The following TAAR2 variants were observed in gnomAD, a reference collection of about 807,000 sequenced individuals.
The protein encoded by TAAR2 is trace amine-associated receptor 2.
Under a neutral mutation model 25.5 loss-of-function variants are expected in TAAR2, and 30 were observed. That is an observed-to-expected ratio of 1.18 (90% CI 0.88 to 1.60). TAAR2 has a LOEUF of 1.60. Ranked by LOEUF, TAAR2 falls within the 40% of genes most tolerant of loss-of-function variation. The pLI is 0.00. For synonymous variants in TAAR2, 150 were observed against 142.4 expected, an observed-to-expected ratio of 1.05 and a Z score of -0.38; for missense variants, 481 against 416.5, an observed-to-expected ratio of 1.15 and a Z score of -1.35.
At chr6:132,620,627 G>A (rs983375932) in intron 1 of TAAR2, among the ~76,000 whole-genome samples, 9 of 152,068 alleles carry the variant, frequency 5.9e-5, no homozygotes, top group Admixed American at 2.0e-4. Context: ...GGGCCAGAGC[G>A]GGGAGGAGGA....
In TAAR2 at chr6:132,617,986, G is replaced by A. The variant is rs1562194932; in HGVS notation, c.220C>T (p.Leu74Phe). The A allele has an allele frequency of 1.9e-6, 3 of 1,614,020 alleles. No homozygotes were observed. Among genetic ancestry groups the A allele is most frequent in the South Asian group, 1.1e-5 (1 of 91,080 alleles). ...ATGAGGAAGTTGGTTGGTGTGTGAA[G>A]CTGCTTGAAGTAGGAAATGGAAATT... ...MIISISYFKQ[L>F]HTPTNFLILS... is the part of the protein sequence containing the mutation. The change falls in exon 2 of 2, where the codon CTT (leucine) becomes TTT (phenylalanine). Residue 74 changes from leucine to phenylalanine, a missense_variant. Coordinates refer to ENST00000367931, the MANE Select transcript of TAAR2 (RefSeq NM_001033080.1).
chr6:132,624,232 C>A lies in TAAR2; in HGVS notation c.44G>T (p.Arg15Ile). The A allele has an allele frequency of 6.2e-7, 1 of 1,613,394 alleles. No individual in the cohort carries two copies. The highest frequency in any genetic ancestry group is 8.5e-7 in the Non-Finnish European group (1 of 1,179,646). ...SEQHELSHFK[R>I]TQTKKEKFNC... ...AGGGCCTACCTTTTTTGTCTGTGTT[C>A]TTTTGAAATGTGAAAGTTCATGTTG... Residue 15 changes from arginine (R) to isoleucine (I), a missense_variant, in exon 1 of 2, where the codon AGA becomes ATA. By Grantham distance (97) the Arg-to-Ile change is moderately conservative. Transcript: ENST00000367931.
intron 1 of TAAR2, among the ~76,000 whole-genome samples, chr6:132,621,472 G>T (rs1777374240): frequency 6.6e-6 from 1 of 151,974 alleles, no homozygotes; most frequent in Non-Finnish European, 1.5e-5. Context: ...GTGTCCACGT[G>T]TACTCTTGTT....
intron 1 of TAAR2, among the ~76,000 whole-genome samples, chr6:132,623,928 A>T (rs988387590): frequency 6.6e-6 from 1 of 151,944 alleles, no homozygotes; most frequent in Non-Finnish European, 1.5e-5. Context: ...CCACACATGG[A>T]TGGGACCTCT....
Position 132,618,030 on chromosome 6 carries a change from A to G in TAAR2, c.176T>C (p.Phe59Ser), listed in dbSNP as rs1168748898. 1 of 1,613,968 alleles carries G rather than the reference A, an allele frequency of 6.2e-7. No homozygotes were observed. The highest frequency in any genetic ancestry group is 1.3e-5 in the African/African-American group (1 of 74,936). Residue 59 changes from phenylalanine to serine, a missense_variant, in exon 2 of 2, where the codon TTT becomes TCT. Physicochemically the swap from Phe to Ser is radical, Grantham distance 155. Coordinates refer to ENST00000367931, the MANE Select transcript of TAAR2 (RefSeq NM_001033080.1). ...FMAGSIFITIFGNLAMIISIS... is the reference protein window; with the variant it reads ...FMAGSIFITISGNLAMIISIS... Reference sequence around the variant, plus strand: ...GGAAATTATCATGGCAAGATTGCCAAATATTGTGATGAATATGGATCCTGC... The same window carrying G: ...GGAAATTATCATGGCAAGATTGCCAGATATTGTGATGAATATGGATCCTGC...
intron 1 of TAAR2, 64 bp downstream of exon 1, chr6:132,624,152 T>A: frequency 6.8e-7 from 1 of 1,472,104 alleles, no homozygotes; most frequent in Non-Finnish European, 9.4e-7. Flanking sequence ...ATAATTCACA[T>A]GTTTATGCCA....
rs1221072820 is a variant in TAAR2, at chr6:132,618,003, A to T, written c.203T>A (p.Ile68Asn). The T allele has an allele frequency of 6.2e-7, 1 of 1,614,034 alleles. No homozygotes were observed. Among genetic ancestry groups the T allele is most frequent in the Non-Finnish European group, 8.5e-7 (1 of 1,179,960 alleles). ...IFGNLAMIIS[I>N]SYFKQLHTPT... ...TGTGTGAAGCTGCTTGAAGTAGGAA[A>T]TGGAAATTATCATGGCAAGATTGCC... The change falls in exon 2 of 2, where the codon ATT becomes AAT. Residue 68 changes from isoleucine to asparagine, a missense_variant. Transcript: ENST00000367931.
At chr6:132,622,847 T>C (rs1211553249) in intron 1 of TAAR2, among the ~76,000 whole-genome samples, 3 of 152,170 alleles carry the variant, frequency 2.0e-5, no homozygotes, top group African/African-American at 7.2e-5. Context: ...TCATTGTTTC[T>C]CATTTCCTTG....
In TAAR2 at chr6:132,617,887, T is replaced by C. The variant is rs777529961; in HGVS notation, c.319A>G (p.Asn107Asp). The change falls in exon 2 of 2, where the codon AAC becomes GAC. Residue 107 changes from asparagine to aspartate, a missense_variant. Coordinates refer to ENST00000367931, the MANE Select transcript of TAAR2 (RefSeq NM_001033080.1). ...MPYSMIRSVE[N>D]CWYFGLTFCK... ...AATGTAAGCCCAAAATACCAGCAGT[T>C]CTCCACCGATCTGATCATACTATAT... The C allele has an allele frequency of 6.2e-7, 1 of 1,613,998 alleles. No individual in the cohort carries two copies. The highest frequency in any genetic ancestry group is 8.5e-7 in the Non-Finnish European group (1 of 1,179,956).
chr6:132,617,670 A>T lies in TAAR2; in HGVS notation c.536T>A (p.Val179Asp). The change falls in exon 2 of 2, where the codon GTC becomes GAC. Residue 179 changes from valine (V) to aspartate (D), a missense_variant. Coordinates refer to ENST00000367931, the MANE Select transcript of TAAR2 (RefSeq NM_001033080.1). ...SVPGAFAFGVVFSEAYADGIE... is the reference protein window; with the variant it reads ...SVPGAFAFGVDFSEAYADGIE... ...TCCATCTGCATAGGCCTCTGAGAAG[A>T]CCACCCCGAAGGCAAATGCTCCAGG... 1.2e-6 allele frequency: 2 copies of T among 1,613,888 alleles called. No individual in the cohort carries two copies. Among genetic ancestry groups the T allele is most frequent in the Non-Finnish European group, 1.7e-6 (2 of 1,179,974 alleles).
intron 1 of TAAR2, among the ~76,000 whole-genome samples, chr6:132,619,215 T>C (rs1223151717): frequency 1.3e-5 from 2 of 152,206 alleles, no homozygotes; most frequent in Admixed American, 1.3e-4. Flanking sequence ...AGAGAACTTT[T>C]AGAAAGCAAG....
chr6:132,620,786 TAAA>T (rs1021043229), intron 1 of TAAR2, among the ~76,000 whole-genome samples: 1 of 133,052 alleles, frequency 7.5e-6, no homozygotes, highest in African/African-American at 3.1e-5. Context: ...AAATAAAAGT[TAAA>T]AAAACATAAA....
chr6:132,617,544 G>C lies in TAAR2; in HGVS notation c.662C>G (p.Pro221Arg), dbSNP rs767101175. The C allele has an allele frequency of 6.2e-7, 1 of 1,613,950 alleles. No individual in the cohort carries two copies. Among genetic ancestry groups the C allele is most frequent in the South Asian group, 1.1e-5 (1 of 91,072 alleles). Residue 221 changes from proline (P) to arginine (R), a missense_variant, in exon 2 of 2, where the codon CCT becomes CGT. By Grantham distance (103) the Pro-to-Arg change is moderately radical. Coordinates refer to ENST00000367931, the MANE Select transcript of TAAR2 (RefSeq NM_001033080.1). ...TTLFMAGFFT[P>R]GSMMVGIYGK... ...ATAAATCCCCACCATCATAGACCCAGGAGTGAAGAAACCTGCCATAAACAA... is the reference window on the plus strand; with the variant it reads ...ATAAATCCCCACCATCATAGACCCACGAGTGAAGAAACCTGCCATAAACAA...
Position 132,618,038 on chromosome 6 carries a change from G to A in TAAR2, c.168C>T (p.Ile56=). 3.1e-6 allele frequency: 5 copies of A among 1,614,050 alleles called. No individual in the cohort carries two copies. Among genetic ancestry groups the A allele is most frequent in the Non-Finnish European group, 3.4e-6 (4 of 1,179,966 alleles). Residue 56 remains isoleucine (I), a synonymous_variant, in exon 2 of 2, where the codon ATC becomes ATT. Transcript: ENST00000367931. ...TCATGGCAAGATTGCCAAATATTGT[G>A]ATGAATATGGATCCTGCCATAAATG... The part of the protein sequence containing the change: ...MYSFMAGSIF[I]TIFGNLAMII...
At chr6:132,618,371 G>T (rs1021259734) in intron 1 of TAAR2, among the ~76,000 whole-genome samples, 1 of 152,066 alleles carries the variant, frequency 6.6e-6, no homozygotes, top group Non-Finnish European at 1.5e-5. Flanking sequence ...CAGGTGCGGT[G>T]GCTCACGCCT....
intron 1 of TAAR2, 130 bp from the exon 2 acceptor site, chr6:132,618,275 C>T: frequency 1.2e-6 from 1 of 843,488 alleles, no homozygotes; most frequent in Non-Finnish European, 1.8e-6. Flanking sequence ...TAATATTACT[C>T]ATGATCTTTC....
intron 1 of TAAR2, among the ~76,000 whole-genome samples, chr6:132,619,230 CT>C (rs1777342242): frequency 6.6e-6 from 1 of 152,216 alleles, no homozygotes; most frequent in East Asian, 1.9e-4. Context: ...AGCAAGCCAT[CT>C]CTACTACAAG....
At chr6:132,623,960 A>G (rs986117901) in intron 1 of TAAR2, among the ~76,000 whole-genome samples, 2 of 152,040 alleles carry the variant, frequency 1.3e-5, no homozygotes, top group Non-Finnish European at 2.9e-5. Context: ...AAGAATGCGC[A>G]TGTGTCCTCC....
Position 132,617,678 on chromosome 6 carries a change from G to T in TAAR2, c.528C>A (p.Phe176Leu), listed in dbSNP as rs61745666. Residue 176 changes from phenylalanine to leucine, a missense_variant, in exon 2 of 2, where the codon TTC becomes TTA. Transcript: ENST00000367931. ...LCWSVPGAFA[F>L]GVVFSEAYAD... ...CATAGGCCTCTGAGAAGACCACCCC[G>T]AAGGCAAATGCTCCAGGGACCGACC... 790 of 1,613,724 alleles carry T rather than the reference G, an allele frequency of 4.9e-4. No individual in the cohort carries two copies. The highest frequency in any genetic ancestry group is 6.3e-4 in the Non-Finnish European group (746 of 1,179,950).
Sources: gnomAD v4.1 joint callset for allele counts (sites outside exome capture counted in the v4.1 genomes callset) on GRCh38, gnomAD v4.1.1 for gene constraint, MANE v1.5 for transcripts, NCBI Gene and HGNC (gene_info 2026-07-23, HGNC 2026-07-21) for gene names.